RAB2A: variants seen among roughly 807,000 people sequenced by gnomAD.
The protein encoded by RAB2A is RAB2A, member RAS oncogene family.
A neutral mutation model predicts 32.5 loss-of-function variants in RAB2A; 7 were observed. The observed-to-expected ratio is 0.22, with a 90% CI of 0.12 to 0.40. RAB2A has a LOEUF of 0.40. Ranked by LOEUF, RAB2A falls within the 10% of genes least tolerant of loss-of-function variation. RAB2A has a pLI of 1.00. For missense variants in RAB2A, 108 were observed against 260.7 expected (o/e 0.41, Z 4.03); for synonymous variants, 79 against 85.2 (o/e 0.93, Z 0.40).
At chr8:60,578,969 C>G (rs1276005726) in intron 3 of RAB2A, among the ~76,000 whole-genome samples, 1 of 152,190 alleles carries the variant, frequency 6.6e-6, no homozygotes, top group East Asian at 1.9e-4. Flanking sequence ...GTTTTTATCT[C>G]TTAGGCAGAC....
intron 6 of RAB2A, among the ~76,000 whole-genome samples, chr8:60,610,535 A>G (rs1301175144): frequency 6.6e-6 from 1 of 152,192 alleles, no homozygotes; most frequent in Non-Finnish European, 1.5e-5. Flanking sequence ...TGCATACCAC[A>G]AGACTTCAGT....
chr8:60,524,444 T>A (rs1807348370), intron 1 of RAB2A, among the ~76,000 whole-genome samples: 2 of 152,236 alleles, frequency 1.3e-5, no homozygotes, highest in African/African-American at 4.8e-5. Flanking sequence ...TGCAGCCATA[T>A]GCAGACCTCT....
rs544923666 is a variant in RAB2A at position 60,545,269 on chromosome 8, A to G, written c.47-13583A>G. Among the ~76,000 whole-genome samples, 5 of 152,264 alleles carry G rather than the reference A, an allele frequency of 3.3e-5. No homozygotes were observed. The East Asian group carries it at 7.7e-4, about 23-fold the overall frequency. On this transcript the variant is annotated intron_variant, in intron 1 of 7. Coordinates refer to ENST00000262646, the MANE Select transcript of RAB2A (RefSeq NM_002865.3). The stretch of plus-strand genomic sequence containing the variant: ...TCTTGGGCCCCACGAAAGACGTGCT[A>G]AGTCTCTGGGATGGGGCTTCAGGAA...
intron 6 of RAB2A, among the ~76,000 whole-genome samples, chr8:60,606,174 G>C (rs951744620): frequency 6.6e-6 from 1 of 151,688 alleles, no homozygotes; most frequent in Non-Finnish European, 1.5e-5. Flanking sequence ...AAACAAAAAT[G>C]CTTCATTTCA....
intron 3 of RAB2A, among the ~76,000 whole-genome samples, chr8:60,579,703 C>CT (rs984225018): frequency 2.0e-5 from 3 of 150,810 alleles, no homozygotes; most frequent in African/African-American, 7.3e-5. Flanking sequence ...TCTTGGCTCA[C>CT]TGCAAGCTCC....
At chr8:60,586,214 T>A (rs539685144) in intron 5 of RAB2A, among the ~76,000 whole-genome samples, 1 of 151,970 alleles carries the variant, frequency 6.6e-6, no homozygotes, top group African/African-American at 2.4e-5. Context: ...GGTGGGAGAA[T>A]CACTTGAGCC....
chr8:60,603,246 G>C (rs1804167517), intron 6 of RAB2A, among the ~76,000 whole-genome samples: 1 of 152,194 alleles, frequency 6.6e-6, no homozygotes, highest in Non-Finnish European at 1.5e-5. Context: ...GCACATTGAT[G>C]ATGTTTAGAA....
chr8:60,577,792 A>ATTTTTTTTTTTTTTT (rs3055112), intron 3 of RAB2A, among the ~76,000 whole-genome samples: 96 of 112,932 alleles, frequency 8.5e-4, no homozygotes, highest in East Asian at 1.9e-3. Flanking sequence ...CGCCCGGCTA[A>ATTTTTTTTTTTTTTT]TTTTTTTTTT....
chr8:60,620,634 T>C (rs1241117643), intron 7 of RAB2A, 40 bp from the exon 8 acceptor site: 1 of 1,396,416 alleles, frequency 7.2e-7, no homozygotes, highest in African/African-American at 1.4e-5. Flanking sequence ...TAAACTATAT[T>C]GTCTGGTCAT....
intron 6 of RAB2A, among the ~76,000 whole-genome samples, chr8:60,617,233 G>T (rs927692821): frequency 3.9e-5 from 6 of 151,946 alleles, no homozygotes; most frequent in African/African-American, 1.5e-4. Flanking sequence ...ATAAATTTTG[G>T]TATTTATAGG....
chr8:60,529,245 T>A (rs886890109), intron 1 of RAB2A, among the ~76,000 whole-genome samples: 1 of 152,250 alleles, frequency 6.6e-6, no homozygotes, highest in African/African-American at 2.4e-5. Flanking sequence ...TTGTACATGT[T>A]CCATATGTGC....
chr8:60,596,861 C>T (rs1346372784), intron 6 of RAB2A, among the ~76,000 whole-genome samples: 1 of 152,102 alleles, frequency 6.6e-6, no homozygotes, highest in Non-Finnish European at 1.5e-5. Context: ...GCGGAGCTTG[C>T]AGTGAGCCAA....
chr8:60,589,646 T>G (rs1382744488), intron 5 of RAB2A, among the ~76,000 whole-genome samples: 2 of 152,186 alleles, frequency 1.3e-5, no homozygotes, highest in African/African-American at 4.8e-5. Context: ...AAAAGAAAGA[T>G]ACTTAAGTAA....
chr8:60,526,989 A>T (rs1328080496), intron 1 of RAB2A, among the ~76,000 whole-genome samples: 2 of 150,478 alleles, frequency 1.3e-5, no homozygotes, highest in Non-Finnish European at 3.0e-5. Context: ...AAAAAAAAAG[A>T]AGTACTTGGG....
intron 1 of RAB2A, among the ~76,000 whole-genome samples, chr8:60,539,345 G>A (rs1006557921): frequency 6.6e-6 from 1 of 152,160 alleles, no homozygotes; most frequent in East Asian, 1.9e-4. Context: ...AAAAAGAAGT[G>A]ATTTTTCCTA....
chr8:60,550,260 C>T (rs1807824883), intron 1 of RAB2A, among the ~76,000 whole-genome samples: 1 of 147,752 alleles, frequency 6.8e-6, no homozygotes, highest in Non-Finnish European at 1.5e-5. Flanking sequence ...AAAATTCACA[C>T]TGTCAACACA....
intron 6 of RAB2A, among the ~76,000 whole-genome samples, chr8:60,610,351 C>A (rs595255): frequency 3.3e-5 from 5 of 152,016 alleles, no homozygotes; most frequent in Non-Finnish European, 7.4e-5. Context: ...TTGCTAATAC[C>A]TGCATTCTGT....
intron 6 of RAB2A, among the ~76,000 whole-genome samples, chr8:60,592,389 G>C (rs1348837534): frequency 6.6e-6 from 1 of 152,140 alleles, no homozygotes; most frequent in African/African-American, 2.4e-5. Flanking sequence ...TCTTCGTGTT[G>C]CATGGTAGGG....
chr8:60,563,552 C>G (rs915072976), intron 2 of RAB2A, among the ~76,000 whole-genome samples: 2 of 152,128 alleles, frequency 1.3e-5, no homozygotes, highest in Non-Finnish European at 2.9e-5. Flanking sequence ...GTGCACACAT[C>G]CTGGCCTCTC....
Sources: gnomAD v4.1 joint callset for allele counts (sites outside exome capture counted in the v4.1 genomes callset) on GRCh38, gnomAD v4.1.1 for gene constraint, MANE v1.5 for transcripts, NCBI Gene and HGNC (gene_info 2026-07-23, HGNC 2026-07-21) for gene names.